The following C1QTNF3 variants were observed in gnomAD, a reference collection of about 807,000 sequenced individuals.
The protein encoded by C1QTNF3 is complement C1q tumor necrosis factor-related protein 3.
Under a neutral mutation model 32.6 loss-of-function variants are expected in C1QTNF3, and 26 were observed. That is an observed-to-expected ratio of 0.80 (90% CI 0.58 to 1.11). C1QTNF3 has a LOEUF of 1.11. Among genes scored for constraint, C1QTNF3 ranks in the 50% least tolerant of loss-of-function variants. C1QTNF3 has a pLI of 0.00. For synonymous variants in C1QTNF3, 155 were observed against 146.0 expected (o/e 1.06, Z -0.44); for missense variants, 362 against 398.2 (o/e 0.91, Z 0.77).
chr5:34,122,327 A>T, the C1QTNF3 span, among the ~76,000 whole-genome samples: 1 of 152,226 alleles, frequency 6.6e-6, no homozygotes, highest in Non-Finnish European at 1.5e-5. Flanking sequence ...TCAAGAATAT[A>T]ATGCTGGCAG....
At chr5:34,120,758 C>T in the C1QTNF3 span, among the ~76,000 whole-genome samples, 1 of 152,154 alleles carries the variant, frequency 6.6e-6, no homozygotes, top group Non-Finnish European at 1.5e-5. Context: ...GTGAGGCCTC[C>T]CCAGCCACGT....
chr5:34,182,482 T>TAAAC, the C1QTNF3 span, among the ~76,000 whole-genome samples: 13 of 109,818 alleles, frequency 1.2e-4, no homozygotes, highest in African/African-American at 6.0e-4. Flanking sequence ...CACAAATAAA[T>TAAAC]AAATAAATAA....
the C1QTNF3 span, among the ~76,000 whole-genome samples, chr5:34,207,999 C>T: frequency 1.3e-5 from 2 of 152,026 alleles, no homozygotes; most frequent in African/African-American, 2.4e-5. Flanking sequence ...ACCGTGTTAC[C>T]CACAATGGTC....
At chr5:34,238,189 G>GA in the C1QTNF3 span, among the ~76,000 whole-genome samples, 1 of 152,060 alleles carries the variant, frequency 6.6e-6, no homozygotes, top group Non-Finnish European at 1.5e-5. Context: ...TACCAGAAGA[G>GA]AAAAAATCAG....
the C1QTNF3 span, among the ~76,000 whole-genome samples, chr5:34,230,225 G>A: frequency 3.2e-4 from 49 of 152,294 alleles, no homozygotes; most frequent in African/African-American, 8.7e-4. Context: ...GGGAAAGGCC[G>A]GGTCATGGAT....
chr5:34,233,531 T>C, the C1QTNF3 span, among the ~76,000 whole-genome samples: 1 of 151,464 alleles, frequency 6.6e-6, no homozygotes, highest in Non-Finnish European at 1.5e-5. Flanking sequence ...TTTGAAATCA[T>C]ATCACCTTAT....
At position 34,031,965 on chromosome 5, in the gene C1QTNF3, A is replaced by G. The variant is rs150873273; in HGVS notation, c.570+1339T>C. On this transcript the variant is annotated intron_variant, in intron 3 of 5. Coordinates refer to ENST00000382065, the MANE Select transcript of C1QTNF3 (RefSeq NM_181435.6). ...ATACAGGGTCAAACCACCACCATAC[A>G]CGCACAAATGAAAGACAGTTTCCCC... 1.8e-4 allele frequency among the ~76,000 whole-genome samples: 28 copies of G among 152,362 alleles called. No individual in the cohort carries two copies. In the East Asian group the frequency reaches 5.4e-3, roughly 29 times the overall value.
the C1QTNF3 span, among the ~76,000 whole-genome samples, chr5:34,054,517 G>A: frequency 1.3e-5 from 2 of 152,124 alleles, no homozygotes; most frequent in Non-Finnish European, 2.9e-5. Context: ...TGAATGAGCC[G>A]GGCTGTGTTC....
the C1QTNF3 span, among the ~76,000 whole-genome samples, chr5:34,129,420 A>T: frequency 6.6e-6 from 1 of 152,198 alleles, no homozygotes; most frequent in Admixed American, 6.5e-5. Context: ...GTTACCAGAG[A>T]TTTAGGAGTG....
the C1QTNF3 span, chr5:34,244,537 C>T: frequency 1.3e-5 from 2 of 152,100 alleles, no homozygotes; most frequent in East Asian, 3.9e-4. Context: ...TGTTTACAAT[C>T]CTTTAGCTAG....
chr5:34,068,528 T>G, the C1QTNF3 span, among the ~76,000 whole-genome samples: 1,444 of 150,154 alleles, frequency 9.6e-3, 15 homozygotes, highest in South Asian at 0.056. Context: ...TATACGTATA[T>G]AGAGAGAGAG....
chr5:34,040,144 T>A (rs1754832244), intron 1 of C1QTNF3, among the ~76,000 whole-genome samples: 1 of 152,206 alleles, frequency 6.6e-6, no homozygotes, highest in African/African-American at 2.4e-5. Flanking sequence ...TTCTCCTAGG[T>A]AAGGGAAAAT....
the C1QTNF3 span, among the ~76,000 whole-genome samples, chr5:34,092,456 C>T: frequency 1.3e-5 from 2 of 150,832 alleles, no homozygotes; most frequent in African/African-American, 4.9e-5. Flanking sequence ...CTCTCTTTAG[C>T]TGAAAATTAA....
chr5:34,236,570 C>CTTTTTTTTTTT, the C1QTNF3 span, among the ~76,000 whole-genome samples: 1 of 27,292 alleles, frequency 3.7e-5, no homozygotes, highest in Non-Finnish European at 1.0e-4. Flanking sequence ...TTTCTTTTTT[C>CTTTTTTTTTTT]TTTTTTTTTT....
At chr5:34,084,446 T>A in the C1QTNF3 span, among the ~76,000 whole-genome samples, 1 of 151,732 alleles carries the variant, frequency 6.6e-6, no homozygotes, top group Non-Finnish European at 1.5e-5. Context: ...GGAGAAAATA[T>A]GCTTACATTC....
chr5:34,028,443 A>G (rs527362998), intron 4 of C1QTNF3, among the ~76,000 whole-genome samples: 2 of 152,192 alleles, frequency 1.3e-5, no homozygotes, highest in Non-Finnish European at 2.9e-5. Flanking sequence ...TCCTCTTAAG[A>G]ATTATTTAGC....
chr5:34,127,251 T>C, the C1QTNF3 span, among the ~76,000 whole-genome samples: 10 of 151,686 alleles, frequency 6.6e-5, no homozygotes, highest in East Asian at 9.7e-4. Context: ...CGGGCAGAGG[T>C]TGGGAGAGTT....
chr5:34,069,553 ATGACATGACATTTCTC>A, the C1QTNF3 span, among the ~76,000 whole-genome samples: 2 of 152,200 alleles, frequency 1.3e-5, no homozygotes, highest in Admixed American at 6.5e-5. Flanking sequence ...TCAGTTAACT[ATGACATGACATTTCTC>A]TCATATTTTG....
the C1QTNF3 span, among the ~76,000 whole-genome samples, chr5:34,057,028 CTTA>C: frequency 2.0e-5 from 3 of 152,300 alleles, no homozygotes; most frequent in East Asian, 5.8e-4. Context: ...AAGTAGAACA[CTTA>C]TTAATAATGT....
Sources: allele counts gnomAD v4.1 joint callset (sites outside exome capture counted in the v4.1 genomes callset), GRCh38; gene constraint gnomAD v4.1.1; transcripts MANE v1.5; gene names NCBI Gene and HGNC (gene_info 2026-07-23, HGNC 2026-07-21).